The following TXNDC11 variants were observed in gnomAD, a reference collection of about 807,000 sequenced individuals.
TXNDC11 encodes the protein thioredoxin domain containing 11.
A neutral mutation model predicts 78.0 loss-of-function variants in TXNDC11; 68 were observed. That is an observed-to-expected ratio of 0.87 (90% CI 0.72 to 1.07). The LOEUF (loss-of-function observed/expected upper bound fraction) is 1.07. Ranked by LOEUF, TXNDC11 falls within the 50% of genes least tolerant of loss-of-function variation. TXNDC11 has a pLI of 0.00. For synonymous variants in TXNDC11, 571 were observed against 495.2 expected (o/e 1.15, Z -2.03); for missense variants, 1,389 against 1,221.8 (o/e 1.14, Z -2.04).
chr16:11,718,713 A>C (rs540159254), intron 5 of TXNDC11, among the ~76,000 whole-genome samples: 166 of 152,324 alleles, frequency 1.1e-3, no homozygotes, highest in African/African-American at 3.9e-3. Context: ...GAAAAGGATT[A>C]ATTAGAATTA....
intron 6 of TXNDC11, 31 bp downstream of exon 6, chr16:11,700,421 G>A (rs368683278): frequency 7.7e-5 from 84 of 1,096,260 alleles, no homozygotes; most frequent in Non-Finnish European, 1.1e-4. Context: ...GAACCACTGC[G>A]CTAACATAAA....
chr16:11,691,826 G>A lies in TXNDC11; in HGVS notation c.1364C>T (p.Pro455Leu), dbSNP rs1258852397. Residue 455 changes from proline (P) to leucine (L), a missense_variant, in exon 8 of 12, where the codon CCG becomes CTG. Physicochemically the swap from Pro to Leu is moderately conservative, Grantham distance 98 (BLOSUM62 -3). Transcript: ENST00000283033. ...GCACTGTGGCACGCTGACCGAGCTCGGCTTCATGCCCCCGGAGGTCTGGTT... is the reference window on the plus strand; with the variant it reads ...GCACTGTGGCACGCTGACCGAGCTCAGCTTCATGCCCCCGGAGGTCTGGTT... ...CVNQTSGGMKPSSVSVPQCSF... is the reference protein window; with the variant it reads ...CVNQTSGGMKLSSVSVPQCSF... The A allele has an allele frequency of 2.5e-6, 4 of 1,614,264 alleles. No individual in the cohort carries two copies. Among genetic ancestry groups the A allele is most frequent in the South Asian group, 1.1e-5 (1 of 91,092 alleles).
Position 11,698,094 on chromosome 16 carries a change from C to T in TXNDC11, c.1107+31G>A, listed in dbSNP as rs182031908. The T allele has an allele frequency of 2.9e-4, 466 of 1,608,834 alleles. 1 individual carries two copies. In the African/African-American group the frequency reaches 5.4e-3, roughly 19 times the overall value. ...AGGTAGATGAGGCTTTCCTACTCCT[C>T]ATGAGGTGCTTTTCACATCACAGCT... is the stretch of plus-strand genomic sequence containing the variant. On this transcript the variant is annotated intron_variant, in intron 7 of 11. Transcript: ENST00000283033.
At chr16:11,736,362 C>T (rs2141123541) in intron 1 of TXNDC11, 129 bp from the exon 2 acceptor site, 3 of 710,078 alleles carry the variant, frequency 4.2e-6, no homozygotes, top group East Asian at 2.7e-5. Context: ...AAAATCACTG[C>T]CCTAGAAAGG....
intron 5 of TXNDC11, among the ~76,000 whole-genome samples, chr16:11,716,031 A>AT (rs2051517152): frequency 6.6e-6 from 1 of 152,230 alleles, no homozygotes; most frequent in Non-Finnish European, 1.5e-5. Context: ...ACCTTATAAA[A>AT]TAAGGATTTA....
At chr16:11,736,964 G>T (rs996213472) in intron 1 of TXNDC11, among the ~76,000 whole-genome samples, 6 of 152,092 alleles carry the variant, frequency 3.9e-5, no homozygotes, top group Admixed American at 6.5e-5. Context: ...TCTAGGCCCA[G>T]GCTGCATCCC....
chr16:11,712,966 G>A (rs973367742), intron 5 of TXNDC11, among the ~76,000 whole-genome samples: 1 of 116,730 alleles, frequency 8.6e-6, no homozygotes, highest in Non-Finnish European at 2.1e-5. Context: ...ACAGAAATCA[G>A]TTGGGCATGG....
At chr16:11,681,262 TG>T (rs1051204884) in intron 11 of TXNDC11, among the ~76,000 whole-genome samples, 1 of 152,246 alleles carries the variant, frequency 6.6e-6, no homozygotes, top group African/African-American at 2.4e-5. Context: ...ACGCTGGACC[TG>T]CCCCCACGTT....
rs2052136863 is a variant in TXNDC11, at chr16:11,733,967, T to C, written c.569+15A>G. 6.3e-7 allele frequency: 1 copy of C among 1,577,294 alleles called. No homozygotes were observed. The highest frequency in any genetic ancestry group is 1.3e-5 in the African/African-American group (1 of 74,138). On this transcript the variant is annotated intron_variant, in intron 3 of 11. Transcript: ENST00000283033. ...ACTAAACTGGAATGAGAGACGCTAT[T>C]TAAAAAGTTCTTACCTCCGATGATA... is the stretch of plus-strand genomic sequence containing the variant.
At chr16:11,737,166 A>T (rs2052245551) in intron 1 of TXNDC11, among the ~76,000 whole-genome samples, 1 of 152,132 alleles carries the variant, frequency 6.6e-6, no homozygotes, top group Non-Finnish European at 1.5e-5. Context: ...AGTAAAGGAG[A>T]CCAGGCGTGG....
At chr16:11,723,694 G>A (rs1326340019) in intron 4 of TXNDC11, among the ~76,000 whole-genome samples, 1 of 152,062 alleles carries the variant, frequency 6.6e-6, no homozygotes, top group Non-Finnish European at 1.5e-5. Flanking sequence ...GACAATGTTG[G>A]GTACCAGCAT....
intron 11 of TXNDC11, 53 bp downstream of exon 11, chr16:11,684,112 G>T (rs1350918686): frequency 8.1e-7 from 1 of 1,239,230 alleles, no homozygotes; most frequent in Non-Finnish European, 1.2e-6. Context: ...TTCATTTTCA[G>T]ACCTCCACAA....
intron 5 of TXNDC11, among the ~76,000 whole-genome samples, chr16:11,715,176 C>T (rs572028923): frequency 2.0e-5 from 3 of 152,038 alleles, no homozygotes; most frequent in Non-Finnish European, 2.9e-5. Context: ...TGCTTGAACC[C>T]GGGAGGCGGA....
At chr16:11,739,267 T>C (rs1382020366) in intron 1 of TXNDC11, among the ~76,000 whole-genome samples, 1 of 152,202 alleles carries the variant, frequency 6.6e-6, no homozygotes, top group Non-Finnish European at 1.5e-5. Context: ...AACTCATCAA[T>C]CTGCTTCACG....
intron 4 of TXNDC11, among the ~76,000 whole-genome samples, chr16:11,726,847 G>C (rs901583544): frequency 6.6e-6 from 1 of 152,060 alleles, no homozygotes; most frequent in African/African-American, 2.4e-5. Flanking sequence ...TTGAGGCTAG[G>C]AGTTCAAGAC....
intron 8 of TXNDC11, chr16:11,690,037 G>C (rs2050666746): frequency 6.6e-6 from 1 of 152,180 alleles, no homozygotes; most frequent in Non-Finnish European, 1.5e-5. Flanking sequence ...GCTTCACCTA[G>C]ATTTGAAAGA....
intron 5 of TXNDC11, among the ~76,000 whole-genome samples, chr16:11,711,231 G>A (rs2051345245): frequency 6.6e-6 from 1 of 152,176 alleles, no homozygotes; most frequent in Non-Finnish European, 1.5e-5. Context: ...CAGAGTAAGG[G>A]TGGAGTGAGT....
At chr16:11,726,873 G>C (rs966951837) in intron 4 of TXNDC11, among the ~76,000 whole-genome samples, 1 of 152,004 alleles carries the variant, frequency 6.6e-6, no homozygotes. Flanking sequence ...TGGCCAAATG[G>C]TGAAACCCCA....
In TXNDC11 at chr16:11,691,898, T is replaced by A; in HGVS notation, c.1292A>T (p.Gln431Leu). 1 of 1,614,132 alleles carries A rather than the reference T, an allele frequency of 6.2e-7. No individual in the cohort carries two copies. The highest frequency in any genetic ancestry group is 8.5e-7 in the Non-Finnish European group (1 of 1,179,952). ...GTGGGTCCTGGAGAAGGAGTGCCAC[T>A]GGGGCAGCACCACAGTGTTGCAGCA... ...SPCCNTVVLP[Q>L]WHSFSRTHNV... Residue 431 changes from glutamine to leucine, a missense_variant, in exon 8 of 12, where the codon CAG becomes CTG. By Grantham distance (113) the Gln-to-Leu change is moderately radical. Transcript: ENST00000283033.
Sources: gnomAD v4.1 joint callset for allele counts (sites outside exome capture counted in the v4.1 genomes callset) on GRCh38, gnomAD v4.1.1 for gene constraint, MANE v1.5 for transcripts, NCBI Gene and HGNC (gene_info 2026-07-23, HGNC 2026-07-21) for gene names.